The following TAF3 variants were observed in gnomAD, a reference collection of about 807,000 sequenced individuals.
TAF3 encodes transcription initiation factor TFIID subunit 3.
In TAF3, 7 loss-of-function variants were observed where a neutral mutation model predicts 80.6. The ratio of observed to expected loss-of-function variants is 0.09; its 90% CI spans 0.05 to 0.16. TAF3 has a LOEUF of 0.16. TAF3 is among the 10% of genes least tolerant of loss of function. The pLI is 1.00. For synonymous variants in TAF3, 444 were observed against 446.1 expected, an observed-to-expected ratio of 1.00 and a Z score of 0.06; for missense variants, 921 against 1,140.2, an observed-to-expected ratio of 0.81 and a Z score of 2.77.
At chr10:8,013,360 T>C (rs1031947085) in intron 5 of TAF3, among the ~76,000 whole-genome samples, 2 of 152,170 alleles carry the variant, frequency 1.3e-5, no homozygotes, top group Non-Finnish European at 2.9e-5. Flanking sequence ...AAAAATCAGT[T>C]GTTACCACCC....
chr10:7,978,389 T>G (rs547222741), intron 4 of TAF3, among the ~76,000 whole-genome samples: 2 of 152,322 alleles, frequency 1.3e-5, no homozygotes, highest in Admixed American at 6.5e-5. Context: ...ATGATTCTGA[T>G]GAATGTGAGC....
At chr10:7,833,558 C>G (rs1228320525) in intron 2 of TAF3, 1 of 153,804 alleles carries the variant, frequency 6.5e-6, no homozygotes, top group Non-Finnish European at 1.5e-5. Flanking sequence ...TTCTTTTTTC[C>G]TTTTTTGGGG....
intron 2 of TAF3, among the ~76,000 whole-genome samples, chr10:7,880,037 T>C (rs1484022063): frequency 6.6e-6 from 1 of 152,126 alleles, no homozygotes; most frequent in East Asian, 1.9e-4. Flanking sequence ...GGCAGAACCC[T>C]GTCTCTACAA....
chr10:7,842,151 GT>G (rs71505465), intron 2 of TAF3, among the ~76,000 whole-genome samples: 12,407 of 98,034 alleles, frequency 0.13, 746 homozygotes, highest in African/African-American at 0.16. Flanking sequence ...AATTAATATT[GT>G]TTTTTTTTTT....
At chr10:7,829,826 C>G (rs1836780803) in intron 2 of TAF3, among the ~76,000 whole-genome samples, 1 of 152,160 alleles carries the variant, frequency 6.6e-6, no homozygotes, top group African/African-American at 2.4e-5. Context: ...ATGCGTCCCG[C>G]TTTGAAGGTG....
rs1837736200 is a variant in TAF3 at position 7,918,814 on chromosome 10, G to T, written c.410-45106G>T. ...ACCAGGTACTAAAGTCTTCAAAAAA[G>T]GAAGAGGCATAACCCTTTCATTCCA... On this transcript the variant is annotated intron_variant, in intron 2 of 6. Coordinates refer to ENST00000344293, the MANE Select transcript of TAF3 (RefSeq NM_031923.4). 2.6e-5 allele frequency among the ~76,000 whole-genome samples: 4 copies of T among 152,126 alleles called. No individual in the cohort carries two copies. In the South Asian group the frequency reaches 8.3e-4, roughly 32 times the overall value.
chr10:7,975,128 T>C (rs539501080), intron 3 of TAF3: 69 of 276,454 alleles, frequency 2.5e-4, no homozygotes, highest in African/African-American at 1.4e-3. Flanking sequence ...ACAGAAAGAC[T>C]GAAGATACTG....
chr10:7,938,557 CAAA>C (rs1169612936), intron 2 of TAF3, among the ~76,000 whole-genome samples: 1 of 150,930 alleles, frequency 6.6e-6, no homozygotes, highest in African/African-American at 2.4e-5. Flanking sequence ...GCCAGTCAGA[CAAA>C]AAAAAGAAAA....
chr10:7,911,947 C>A (rs111338770), intron 2 of TAF3, among the ~76,000 whole-genome samples: 1,658 of 152,208 alleles, frequency 0.011, 18 homozygotes, highest in Middle Eastern at 0.031. Flanking sequence ...AAGTTTAAAG[C>A]CCTTACTTTA....
At chr10:7,829,354 A>T (rs904457194) in intron 2 of TAF3, among the ~76,000 whole-genome samples, 3 of 152,142 alleles carry the variant, frequency 2.0e-5, no homozygotes, top group African/African-American at 7.2e-5. Context: ...CTGTATTGAC[A>T]TTCCTTAGTT....
intron 2 of TAF3, among the ~76,000 whole-genome samples, chr10:7,850,708 C>A (rs974850982): frequency 2.0e-5 from 3 of 151,486 alleles, no homozygotes; most frequent in Admixed American, 6.6e-5. Flanking sequence ...TATATATATA[C>A]ACACACATAC....
intron 2 of TAF3, among the ~76,000 whole-genome samples, chr10:7,892,601 TA>T (rs1230136729): frequency 6.6e-6 from 1 of 152,186 alleles, no homozygotes; most frequent in Non-Finnish European, 1.5e-5. Context: ...ATTGTCAAAT[TA>T]TAAAATGAAA....
In TAF3 at chr10:7,929,840, C is replaced by A. The variant is rs548501262; in HGVS notation, c.410-34080C>A. On this transcript the variant is annotated intron_variant, in intron 2 of 6. Transcript: ENST00000344293. ...AAGATGGAAAAAAAAAATGTCCAGG[C>A]ATGACAAGAAAAGAGAACAGTAAGA... Among the ~76,000 whole-genome samples the A allele has an allele frequency of 2.3e-4, 35 of 152,146 alleles. No individual in the cohort carries two copies. In the South Asian group the frequency reaches 7.1e-3, roughly 31 times the overall value.
intron 2 of TAF3, among the ~76,000 whole-genome samples, chr10:7,887,993 C>A (rs1487241264): frequency 6.6e-6 from 1 of 151,966 alleles, no homozygotes; most frequent in African/African-American, 2.4e-5. Flanking sequence ...TTAAAGTGCC[C>A]CTGCCACCAC....
At chr10:7,823,120 G>A (rs1244467) in intron 1 of TAF3, among the ~76,000 whole-genome samples, 53,371 of 151,774 alleles carry the variant, frequency 0.35, 9,355 homozygotes, top group South Asian at 0.44. Context: ...CTCAAAAAAC[G>A]AACAAAAACC....
At chr10:7,939,442 C>T (rs1328568387) in intron 2 of TAF3, among the ~76,000 whole-genome samples, 1 of 152,124 alleles carries the variant, frequency 6.6e-6, no homozygotes, top group Non-Finnish European at 1.5e-5. Context: ...AGCAAAGTCC[C>T]AAACATTTTA....
At chr10:7,829,423 G>A (rs1027885238) in intron 2 of TAF3, among the ~76,000 whole-genome samples, 1 of 152,104 alleles carries the variant, frequency 6.6e-6, no homozygotes, top group Non-Finnish European at 1.5e-5. Context: ...ATTGTGTTTG[G>A]TTGTCACGTC....
At chr10:7,877,282 A>G (rs1345604046) in intron 2 of TAF3, among the ~76,000 whole-genome samples, 2 of 152,274 alleles carry the variant, frequency 1.3e-5, no homozygotes, top group East Asian at 3.9e-4. Context: ...GGGGATCATC[A>G]TTAAGGACTG....
At chr10:7,931,410 T>G (rs1053079324) in intron 2 of TAF3, among the ~76,000 whole-genome samples, 2 of 152,182 alleles carry the variant, frequency 1.3e-5, no homozygotes, top group African/African-American at 2.4e-5. Flanking sequence ...GTCCCCTTAC[T>G]ATTTTCCCCT....
Sources: gnomAD v4.1 joint callset for allele counts (sites outside exome capture counted in the v4.1 genomes callset) on GRCh38, gnomAD v4.1.1 for gene constraint, MANE v1.5 for transcripts, NCBI Gene and HGNC (gene_info 2026-07-23, HGNC 2026-07-21) for gene names.